The following SBNO2 variants were observed in gnomAD, a reference collection of about 807,000 sequenced individuals.
The protein encoded by SBNO2 is protein strawberry notch homolog 2.
A neutral mutation model predicts 146.3 loss-of-function variants in SBNO2; 89 were observed. The ratio of observed to expected loss-of-function variants is 0.61; its 90% CI spans 0.51 to 0.73. The LOEUF (loss-of-function observed/expected upper bound fraction) is 0.73, where lower values mean the gene tolerates loss of function less well. Ranked by LOEUF, SBNO2 falls within the 30% of genes least tolerant of loss-of-function variation. The pLI is 0.00. For synonymous variants in SBNO2, 1,147 were observed against 892.6 expected, an observed-to-expected ratio of 1.29 and a Z score of -5.08; for missense variants, 2,092 against 2,003.7, an observed-to-expected ratio of 1.04 and a Z score of -0.84.
chr19:1,150,304 C>T lies in SBNO2; in HGVS notation c.94-862G>A, dbSNP rs964312424. Among the ~76,000 whole-genome samples the T allele has an allele frequency of 7.9e-5, 12 of 152,156 alleles. No homozygotes were observed. Among genetic ancestry groups the T allele is most frequent in the Admixed American group, 7.2e-4 (11 of 15,282 alleles). Reference sequence around the variant, plus strand: ...GCAGCAGCGGGCCCAAGGGCGGCAGCGGGCCCAGGGTCAGCACCTGCGGCT... The same window carrying T: ...GCAGCAGCGGGCCCAAGGGCGGCAGTGGGCCCAGGGTCAGCACCTGCGGCT... On this transcript the variant is annotated intron_variant, in intron 2 of 31. Coordinates refer to ENST00000361757, the MANE Select transcript of SBNO2 (RefSeq NM_014963.3). The surrounding 1 kb of genome is among the most constrained non-coding windows in gnomAD (Gnocchi z 6.2).
At chr19:1,170,263 C>T (rs1382833406) in intron 1 of SBNO2, among the ~76,000 whole-genome samples, 1 of 152,212 alleles carries the variant, frequency 6.6e-6, no homozygotes, top group Non-Finnish European at 1.5e-5. Context: ...AGGGCTGAGC[C>T]CTCTCCTGAG....
In SBNO2 at chr19:1,156,359, G is replaced by C. The variant is rs968433160; in HGVS notation, c.-126-1957C>G. On this transcript the variant is annotated intron_variant, in intron 1 of 31. Transcript: ENST00000361757. ...GGCAGGGTGTGGAGACCTGGACCGGGAGGGGATGGGGGCAGGAGAACAATG... is the reference window on the plus strand; with the variant it reads ...GGCAGGGTGTGGAGACCTGGACCGGCAGGGGATGGGGGCAGGAGAACAATG... 2.6e-5 allele frequency among the ~76,000 whole-genome samples: 4 copies of C among 152,296 alleles called. No homozygotes were observed. The South Asian group carries it at 6.2e-4, about 24-fold the overall frequency.
At chr19:1,146,240 T>C (rs560679177) in intron 4 of SBNO2, among the ~76,000 whole-genome samples, 5 of 152,192 alleles carry the variant, frequency 3.3e-5, no homozygotes, top group Admixed American at 1.3e-4. Context: ...GGAGGCGGAC[T>C]TGACGGACGC....
Position 1,108,828 on chromosome 19 carries a change from G to A in SBNO2, c.3567C>T (p.Ser1189=), listed in dbSNP as rs751674389. The change falls in exon 31 of 32, where the codon AGC becomes AGT. Residue 1189 remains serine (S), a synonymous_variant. Coordinates refer to ENST00000361757, the MANE Select transcript of SBNO2 (RefSeq NM_014963.3). ...AAVMADVSSS[S]YLQIVRLKTK... ...TCTTCAGCCGCACGATCTGCAGGTA[G>A]CTGCTGCTGCTGACGTCGGCCATGA... The A allele has an allele frequency of 1.2e-6, 2 of 1,600,614 alleles. No homozygotes were observed. The highest frequency in any genetic ancestry group is 8.5e-7 in the Non-Finnish European group (1 of 1,178,328).
At chr19:1,138,290 G>A (rs1386623110) in intron 4 of SBNO2, among the ~76,000 whole-genome samples, 2 of 149,144 alleles carry the variant, frequency 1.3e-5, no homozygotes, top group African/African-American at 5.0e-5. Flanking sequence ...AGGTGCCGGA[G>A]AGCCTGGGGG....
chr19:1,151,789 C>A (rs535859411), intron 2 of SBNO2, among the ~76,000 whole-genome samples: 109 of 152,276 alleles, frequency 7.2e-4, no homozygotes, highest in African/African-American at 2.5e-3. Context: ...CAGCCTCATG[C>A]GTAGCTGGGA....
In SBNO2 at chr19:1,114,371, G is replaced by C. The variant is rs200419778; in HGVS notation, c.1937C>G (p.Ala646Gly). 6.4e-7 allele frequency: 1 copy of C among 1,554,878 alleles called. No homozygotes were observed. The highest frequency in any genetic ancestry group is 2.4e-5 in the East Asian group (1 of 41,260). ...GTCGTCACTGATGCGGATGACGCCC[G>C]CTGTCTCGCACGCCAGCCGGGGGGC... is the stretch of plus-strand genomic sequence containing the variant. ...AKAPRLACETAGVIRISDDSS... is the reference protein window; with the variant it reads ...AKAPRLACETGGVIRISDDSS... Residue 646 changes from alanine (A) to glycine (G), a missense_variant, in exon 18 of 32, where the codon GCG (alanine) becomes GGG (glycine). Transcript: ENST00000361757.
rs368480997 is a variant in SBNO2 at position 1,112,985 on chromosome 19, G to A, written c.2248-36C>T. ...GACAGGGACAAAACCGGCCGTCAGT[G>A]TTGTGGCCTCGCAGGAGTCTGGCCA... On this transcript the variant is annotated intron_variant, in intron 19 of 31. Transcript: ENST00000361757. This position sits in a 1 kb window ranked among gnomAD's most constrained non-coding sequence, Gnocchi z 5.9. 256 of 1,531,492 alleles carry A rather than the reference G, an allele frequency of 1.7e-4. No homozygotes were observed. In the African/African-American group the frequency reaches 3.2e-3, roughly 19 times the overall value. The allele number at this position is 1,531,492 out of a possible 1,614,324, so 94.9% of individuals were successfully genotyped here. A position where few individuals can be genotyped will look rare whatever the true frequency, so the allele number is the denominator to read the frequency against.
In SBNO2 at chr19:1,109,837, G is replaced by C. The variant is rs530139194; in HGVS notation, c.3029-60C>G. 5 of 1,320,344 alleles carry C rather than the reference G, an allele frequency of 3.8e-6. No homozygotes were observed. The highest frequency in any genetic ancestry group is 2.9e-5 in the African/African-American group (2 of 68,424). The allele number at this position is 1,320,344 out of a possible 1,614,324, so 81.8% of individuals were successfully genotyped here. ...GCCTGGGACTGTGGGCTGGGGCCAG[G>C]GTCAGTCCCGTAGCCGGGGCGCACC... On this transcript the variant is annotated intron_variant, in intron 26 of 31. Coordinates refer to ENST00000361757, the MANE Select transcript of SBNO2 (RefSeq NM_014963.3). This position sits in a 1 kb window ranked among gnomAD's most constrained non-coding sequence, Gnocchi z 4.2.
At chr19:1,152,989 C>T (rs1201255938) in intron 2 of SBNO2, among the ~76,000 whole-genome samples, 2 of 151,896 alleles carry the variant, frequency 1.3e-5, no homozygotes, top group South Asian at 2.1e-4. Context: ...CTCATCTCTA[C>T]GAGAAAATTT....
At position 1,127,777 on chromosome 19, in the gene SBNO2, G is replaced by C; in HGVS notation, c.280-12C>G. On this transcript the variant is annotated splice_polypyrimidine_tract_variant and intron_variant, in intron 4 of 31. Transcript: ENST00000361757. ...AAATAGGAGGAGTCCTGGAAGACAAGGCCAGGCCCGGTGAGGGTGGTACGG... is the reference window on the plus strand; with the variant it reads ...AAATAGGAGGAGTCCTGGAAGACAACGCCAGGCCCGGTGAGGGTGGTACGG... 11 of 1,611,854 alleles carry C rather than the reference G, an allele frequency of 6.8e-6. No homozygotes were observed. The highest frequency in any genetic ancestry group is 9.3e-6 in the Non-Finnish European group (11 of 1,178,536).
intron 1 of SBNO2, among the ~76,000 whole-genome samples, chr19:1,163,427 G>A (rs1174435230): frequency 6.6e-6 from 1 of 152,214 alleles, no homozygotes; most frequent in Non-Finnish European, 1.5e-5. Flanking sequence ...CTCCAGGACA[G>A]GGACAGGCTG....
chr19:1,152,196 C>T (rs1227851330), intron 2 of SBNO2, among the ~76,000 whole-genome samples: 1 of 152,218 alleles, frequency 6.6e-6, no homozygotes, highest in African/African-American at 2.4e-5. Flanking sequence ...CCGCCGGGTT[C>T]CAGCCCTGTC....
In SBNO2 at chr19:1,112,641, C is replaced by G; in HGVS notation, c.2380-104G>C. The G allele has an allele frequency of 6.9e-7, 1 of 1,458,424 alleles. No individual in the cohort carries two copies. Among genetic ancestry groups the G allele is most frequent in the Admixed American group, 2.4e-5 (1 of 41,622 alleles). The allele number at this position is 1,458,424 out of a possible 1,614,324, so 90.3% of individuals were successfully genotyped here. ...CCCCCGCTCCAGGTCACCAGGACGT[C>G]CCGGGGCAGCGAGAGGCCTGCGGGG... On this transcript the variant is annotated intron_variant, in intron 20 of 31. Transcript: ENST00000361757. This position sits in a 1 kb window ranked among gnomAD's most constrained non-coding sequence, Gnocchi z 5.9.
Position 1,108,769 on chromosome 19 carries a change from G to GCCCACTCA in SBNO2, c.3616+2_3616+9dup, listed in dbSNP as rs2079710444. 15 of 1,599,956 alleles carry GCCCACTCA rather than the reference G, an allele frequency of 9.4e-6. No homozygotes were observed. Among genetic ancestry groups the GCCCACTCA allele is most frequent in the Non-Finnish European group, 1.3e-5 (15 of 1,178,236 alleles). Reference sequence around the variant, plus strand: ...CTCGGGCCTTCCCGGGGCGCCCGCCGCCCACTCACCCACTTGCTTCTTCCT... The same window carrying GCCCACTCA: ...CTCGGGCCTTCCCGGGGCGCCCGCCGCCCACTCACCCACTCACCCACTTGCTTCTTCCT... On this transcript the variant is annotated intron_variant, in intron 31 of 31. Transcript: ENST00000361757.
chr19:1,108,470 G>T lies in SBNO2; in HGVS notation c.3851C>A (p.Ala1284Asp). The T allele has an allele frequency of 8.2e-7, 1 of 1,226,364 alleles. No homozygotes were observed. Among genetic ancestry groups the T allele is most frequent in the South Asian group, 2.4e-5 (1 of 41,048 alleles). The allele number at this position is 1,226,364 out of a possible 1,614,324, so 76.0% of individuals were successfully genotyped here. A position where few individuals can be genotyped will look rare whatever the true frequency, so the allele number is the denominator to read the frequency against. Reference sequence around the variant, plus strand: ...GCCCAGCGGCACGACGCCGGGGCCGGCGTCCAGGGACAGCGGCGCCGGGAA... The same window carrying T: ...GCCCAGCGGCACGACGCCGGGGCCGTCGTCCAGGGACAGCGGCGCCGGGAA... ...FSFPAPLSLD[A>D]GPGVVPLGTP... Residue 1284 changes from alanine to aspartate, a missense_variant, in exon 32 of 32, where the codon GCC (alanine) becomes GAC (aspartate). Coordinates refer to ENST00000361757, the MANE Select transcript of SBNO2 (RefSeq NM_014963.3).
chr19:1,108,135 AG>A lies in SBNO2; in HGVS notation c.*84del. 1 of 1,366,246 alleles carries A rather than the reference AG, an allele frequency of 7.3e-7. No homozygotes were observed. Among genetic ancestry groups the A allele is most frequent in the Non-Finnish European group, 9.7e-7 (1 of 1,035,212 alleles). The allele number at this position is 1,366,246 out of a possible 1,614,324, so 84.6% of individuals were successfully genotyped here. A position where few individuals can be genotyped will look rare whatever the true frequency, so the allele number is the denominator to read the frequency against. ...CCTAGGGCTCCTCTGAGCAGTGGTC[AG>A]GGGACCTTGGCCCTGCTCCCCACCG... is the stretch of plus-strand genomic sequence containing the variant. On this transcript the variant is annotated 3_prime_UTR_variant, in exon 32 of 32. Coordinates refer to ENST00000361757, the MANE Select transcript of SBNO2 (RefSeq NM_014963.3).
Position 1,157,497 on chromosome 19 carries a change from G to T in SBNO2, c.-126-3095C>A, listed in dbSNP as rs895050125. Among the ~76,000 whole-genome samples, 4 of 151,564 alleles carry T rather than the reference G, an allele frequency of 2.6e-5. No individual in the cohort carries two copies. Among genetic ancestry groups the T allele is most frequent in the Non-Finnish European group, 5.9e-5 (4 of 67,816 alleles). ...GGGCCAGCCAAACGTCCAGCGGGCA[G>T]CAGAGCGTGTCCCCTGCCTGGTTTT... On this transcript the variant is annotated intron_variant, in intron 1 of 31. Transcript: ENST00000361757. The surrounding 1 kb of genome is among the most constrained non-coding windows in gnomAD (Gnocchi z 6.8).
Position 1,120,033 on chromosome 19 carries a change from A to G in SBNO2, c.1150-10T>C, listed in dbSNP as rs555790609. On this transcript the variant is annotated splice_polypyrimidine_tract_variant and intron_variant, in intron 11 of 31. Transcript: ENST00000361757. ...ACTCGTCGAACACGATCTGAGGCAC[A>G]CGTGGGTTAAGGAGTATTCTGAAGG... is the stretch of plus-strand genomic sequence containing the variant. 2 of 1,549,096 alleles carry G rather than the reference A, an allele frequency of 1.3e-6. No individual in the cohort carries two copies. Among genetic ancestry groups the G allele is most frequent in the Non-Finnish European group, 1.7e-6 (2 of 1,145,740 alleles).
Sources: gnomAD v4.1 joint callset for allele counts (sites outside exome capture counted in the v4.1 genomes callset) on GRCh38, gnomAD v4.1.1 for gene constraint, Gnocchi (gnomAD v3.1) non-coding constraint, MANE v1.5 for transcripts, NCBI Gene and HGNC (gene_info 2026-07-23, HGNC 2026-07-21) for gene names.